Variants in ELMO1 observed in about 807,000 individuals in gnomAD.
The protein encoded by ELMO1 is engulfment and cell motility 1.
A neutral mutation model predicts 98.9 loss-of-function variants in ELMO1; 26 were observed. The observed-to-expected ratio is 0.26, with a 90% CI of 0.19 to 0.36. The LOEUF (loss-of-function observed/expected upper bound fraction) is 0.36. Among genes scored for constraint, ELMO1 ranks in the 10% least tolerant of loss-of-function variants. ELMO1 has a pLI of 1.00. For missense variants in ELMO1, 627 were observed against 935.2 expected (o/e 0.67, Z 4.30); for synonymous variants, 346 against 346.0 (o/e 1.00, Z 0.00).
chr7:36,889,269 C>A (rs1164152176), intron 17 of ELMO1, among the ~76,000 whole-genome samples: 1 of 152,164 alleles, frequency 6.6e-6, no homozygotes, highest in African/African-American at 2.4e-5. Flanking sequence ...TAGTTTGGGA[C>A]ATTTGTAAAG....
At position 37,248,509 on chromosome 7, in the gene ELMO1, C is replaced by T. The variant is rs72624204; in HGVS notation, c.414-4118G>A. On this transcript the variant is annotated intron_variant, in intron 6 of 21. Coordinates refer to ENST00000310758, the MANE Select transcript of ELMO1 (RefSeq NM_014800.11). ...TCTGACAAAGCCCAAGAAGGTTGGC[C>T]TCTTTGGCCTTTGTGATGCAAATTT... is the stretch of plus-strand genomic sequence containing the variant. Among the ~76,000 whole-genome samples, 474 of 152,314 alleles carry T rather than the reference C, an allele frequency of 3.1e-3. 11 individuals are homozygous for T. The East Asian group carries it at 0.05, about 16-fold the overall frequency.
At chr7:36,891,239 T>A (rs1034036284) in intron 17 of ELMO1, among the ~76,000 whole-genome samples, 2 of 152,258 alleles carry the variant, frequency 1.3e-5, no homozygotes, top group Non-Finnish European at 2.9e-5. Flanking sequence ...AAGAAATATG[T>A]CTGTTCTCTT....
intron 14 of ELMO1, among the ~76,000 whole-genome samples, chr7:37,103,968 G>T (rs941347693): frequency 3.4e-5 from 4 of 118,830 alleles, no homozygotes; most frequent in African/African-American, 1.3e-4. Flanking sequence ...CCGAGATTGC[G>T]CCACTGCACT....
intron 4 of ELMO1, among the ~76,000 whole-genome samples, chr7:37,287,173 A>G (rs1054479066): frequency 6.6e-5 from 10 of 151,636 alleles, no homozygotes; most frequent in Non-Finnish European, 1.0e-4. Context: ...AGTCTGGGCA[A>G]CAGAGCAAGA....
chr7:37,167,934 T>C (rs1414150546), intron 13 of ELMO1, among the ~76,000 whole-genome samples: 1 of 152,170 alleles, frequency 6.6e-6, no homozygotes, highest in Non-Finnish European at 1.5e-5. Flanking sequence ...TGTAGAGTGT[T>C]TTCCAACTTG....
rs184956372 is a variant in ELMO1 at position 37,006,146 on chromosome 7, C to T, written c.1437+7153G>A. Among the ~76,000 whole-genome samples the T allele has an allele frequency of 3.3e-5, 5 of 152,282 alleles. No homozygotes were observed. The East Asian group carries it at 9.6e-4, about 29-fold the overall frequency. ...AGGAGTGACCACAGTGGTCAAAATC[C>T]CCTCTGTGGCCAAACTAAAGTTCAA... On this transcript the variant is annotated intron_variant, in intron 16 of 21. Coordinates refer to ENST00000310758, the MANE Select transcript of ELMO1 (RefSeq NM_014800.11).
chr7:36,984,927 C>G (rs538842202), intron 16 of ELMO1: 1 of 985,442 alleles, frequency 1.0e-6, no homozygotes, highest in African/African-American at 1.7e-5. Flanking sequence ...TTCCTCTCCC[C>G]GTTCAGAATG....
At chr7:37,015,381 C>T (rs745944015) in intron 15 of ELMO1, among the ~76,000 whole-genome samples, 1 of 152,190 alleles carries the variant, frequency 6.6e-6, no homozygotes, top group East Asian at 1.9e-4. Context: ...GGTGGATCAT[C>T]TGAGGTCAGA....
intron 1 of ELMO1, among the ~76,000 whole-genome samples, chr7:37,443,029 A>G (rs1249597313): frequency 6.6e-6 from 1 of 152,236 alleles, no homozygotes; most frequent in African/African-American, 2.4e-5. Context: ...TAACAATACT[A>G]TTCTGACTGT....
chr7:37,332,289 GTAT>G (rs1800174557), intron 2 of ELMO1, among the ~76,000 whole-genome samples: 1 of 152,228 alleles, frequency 6.6e-6, no homozygotes, highest in African/African-American at 2.4e-5. Flanking sequence ...TCCTGTTCAT[GTAT>G]TATTGTCTGT....
intron 15 of ELMO1, among the ~76,000 whole-genome samples, chr7:37,025,690 T>C (rs1049304077): frequency 2.0e-5 from 3 of 152,050 alleles, no homozygotes; most frequent in Non-Finnish European, 2.9e-5. Context: ...TCCTTGGACT[T>C]GGACTGAATT....
chr7:37,222,940 G>A (rs966115509), intron 9 of ELMO1, among the ~76,000 whole-genome samples: 1 of 152,212 alleles, frequency 6.6e-6, no homozygotes, highest in African/African-American at 2.4e-5. Context: ...AATATAGGCA[G>A]CCTTCTCTCT....
intron 16 of ELMO1, among the ~76,000 whole-genome samples, chr7:37,006,313 A>G (rs1403804710): frequency 6.6e-6 from 1 of 152,178 alleles, no homozygotes; most frequent in Non-Finnish European, 1.5e-5. Flanking sequence ...TGAGATTAGG[A>G]CCTCCTATTT....
At chr7:37,171,475 G>A (rs1382339750) in intron 13 of ELMO1, among the ~76,000 whole-genome samples, 1 of 114,088 alleles carries the variant, frequency 8.8e-6, no homozygotes, top group Non-Finnish European at 1.9e-5. Flanking sequence ...TTGTAACCAG[G>A]CCTTTCTATT....
chr7:37,232,762 A>T (rs192379919), intron 8 of ELMO1, among the ~76,000 whole-genome samples: 50 of 152,298 alleles, frequency 3.3e-4, no homozygotes, highest in African/African-American at 1.2e-3. Flanking sequence ...TTAAAGGCTC[A>T]AGAAGGATGA....
At chr7:37,101,292 A>T (rs1391597777) in intron 14 of ELMO1, among the ~76,000 whole-genome samples, 1 of 152,296 alleles carries the variant, frequency 6.6e-6, no homozygotes, top group African/African-American at 2.4e-5. Flanking sequence ...CTCCCGCAGG[A>T]ATGCAGGGTG....
chr7:37,442,318 G>A (rs978170543), intron 1 of ELMO1, among the ~76,000 whole-genome samples: 7 of 152,174 alleles, frequency 4.6e-5, no homozygotes, highest in African/African-American at 1.7e-4. Context: ...GCCCAAAGGA[G>A]AAACCATCAC....
intron 8 of ELMO1, among the ~76,000 whole-genome samples, chr7:37,226,746 A>G (rs1793894720): frequency 6.6e-6 from 1 of 152,098 alleles, no homozygotes; most frequent in Admixed American, 6.5e-5. Flanking sequence ...TGTTGCTGAT[A>G]TTGTCAAGCA....
intron 15 of ELMO1, among the ~76,000 whole-genome samples, chr7:37,064,461 T>G (rs941700755): frequency 6.6e-6 from 1 of 152,128 alleles, no homozygotes; most frequent in African/African-American, 2.4e-5. Context: ...TGACAGCCAG[T>G]GGGCCTTGGG....
Sources: allele counts gnomAD v4.1 joint callset (sites outside exome capture counted in the v4.1 genomes callset), GRCh38; gene constraint gnomAD v4.1.1; transcripts MANE v1.5; gene names NCBI Gene and HGNC (gene_info 2026-07-23, HGNC 2026-07-21).